CDH12: variants seen among roughly 807,000 people sequenced by gnomAD.
The protein encoded by CDH12 is cadherin 12.
CDH12 carries 41 observed loss-of-function variants against 74.1 expected under a neutral mutation model. The ratio of observed to expected loss-of-function variants is 0.55; its 90% CI spans 0.43 to 0.72. The LOEUF (loss-of-function observed/expected upper bound fraction) is 0.72. Among genes scored for constraint, CDH12 ranks in the 30% least tolerant of loss-of-function variants. The pLI is 0.00. For missense variants in CDH12, 945 were observed against 977.2 expected (o/e 0.97, Z 0.44); for synonymous variants, 399 against 355.0 (o/e 1.12, Z -1.39).
At chr5:22,306,775 G>A (rs1344602426) in intron 3 of CDH12, among the ~76,000 whole-genome samples, 4 of 152,086 alleles carry the variant, frequency 2.6e-5, no homozygotes, top group Admixed American at 1.3e-4. Context: ...AAGTACATCA[G>A]TGCTGCTTAA....
At chr5:22,341,331 A>G (rs1739839788) in intron 3 of CDH12, among the ~76,000 whole-genome samples, 1 of 152,198 alleles carries the variant, frequency 6.6e-6, no homozygotes, top group South Asian at 2.1e-4. Flanking sequence ...CAAAAAGAAT[A>G]AAGAAAGAAT....
At chr5:22,029,033 T>C (rs1358923268) in intron 5 of CDH12, among the ~76,000 whole-genome samples, 1 of 152,202 alleles carries the variant, frequency 6.6e-6, no homozygotes, top group Non-Finnish European at 1.5e-5. Flanking sequence ...ATTTAACAAA[T>C]GGTGCTGGGA....
rs549136024 is a variant in CDH12 at position 22,002,989 on chromosome 5, A to G, written c.232-27604T>C. Among the ~76,000 whole-genome samples the G allele has an allele frequency of 9.2e-5, 14 of 152,218 alleles. No homozygotes were observed. In the East Asian group the frequency reaches 2.5e-3, roughly 27 times the overall value. ...GTGCTTTCAAAAATGATATAGCTAA[A>G]GAAAATTATTTAAACAAAAAGGGGC... On this transcript the variant is annotated intron_variant, in intron 5 of 14. Coordinates refer to ENST00000382254, the MANE Select transcript of CDH12 (RefSeq NM_004061.5).
chr5:22,615,857 G>A (rs1737663951), intron 1 of CDH12, among the ~76,000 whole-genome samples: 3 of 152,058 alleles, frequency 2.0e-5, no homozygotes, highest in Admixed American at 1.3e-4. Context: ...AAATGTGTAA[G>A]CTTTGAGGGG....
intron 1 of CDH12, among the ~76,000 whole-genome samples, chr5:22,586,443 T>G (rs1033266961): frequency 6.6e-6 from 1 of 151,584 alleles, no homozygotes; most frequent in African/African-American, 2.4e-5. Context: ...CATATGTAAC[T>G]AACCTGCACA....
At chr5:22,038,099 GCC>G (rs1160728188) in intron 5 of CDH12, among the ~76,000 whole-genome samples, 1 of 152,160 alleles carries the variant, frequency 6.6e-6, no homozygotes, top group Non-Finnish European at 1.5e-5. Context: ...CTGACACTGT[GCC>G]CTACCCCCTG....
chr5:22,479,297 G>A (rs1746293782), intron 2 of CDH12, among the ~76,000 whole-genome samples: 1 of 152,164 alleles, frequency 6.6e-6, no homozygotes, highest in Non-Finnish European at 1.5e-5. Context: ...ACTATAACAA[G>A]TATTTGTTCA....
intron 1 of CDH12, among the ~76,000 whole-genome samples, chr5:22,566,080 T>C (rs1739266043): frequency 1.3e-5 from 2 of 152,164 alleles, no homozygotes; most frequent in South Asian, 4.1e-4. Context: ...ACAGATTCCA[T>C]TCAAATCTAA....
intron 11 of CDH12, among the ~76,000 whole-genome samples, chr5:21,772,246 A>G (rs1040744485): frequency 5.9e-5 from 9 of 152,136 alleles, no homozygotes; most frequent in Non-Finnish European, 1.2e-4. Flanking sequence ...TTCAGGATAA[A>G]AATCAAAATA....
intron 10 of CDH12, among the ~76,000 whole-genome samples, chr5:21,796,207 T>C (rs1256561703): frequency 2.6e-5 from 4 of 152,016 alleles, no homozygotes; most frequent in African/African-American, 7.2e-5. Context: ...ATACCTTGAG[T>C]TGAAAATGCA....
At chr5:22,180,553 C>T (rs934748603) in intron 4 of CDH12, among the ~76,000 whole-genome samples, 1 of 151,504 alleles carries the variant, frequency 6.6e-6, no homozygotes, top group African/African-American at 2.4e-5. Flanking sequence ...CACTTTGTCG[C>T]CCAAGCTGGA....
At chr5:22,739,670 A>G (rs908270802) in intron 1 of CDH12, among the ~76,000 whole-genome samples, 2 of 152,062 alleles carry the variant, frequency 1.3e-5, no homozygotes, top group South Asian at 2.1e-4. Flanking sequence ...GAAGTTATTT[A>G]TTATGCATAA....
chr5:22,302,947 T>G (rs1334199348), intron 3 of CDH12, among the ~76,000 whole-genome samples: 1 of 152,082 alleles, frequency 6.6e-6, no homozygotes, highest in Admixed American at 6.6e-5. Flanking sequence ...CTAAACTGGA[T>G]GATAAATGTT....
intron 1 of CDH12, among the ~76,000 whole-genome samples, chr5:22,818,134 T>G (rs920690940): frequency 6.6e-6 from 1 of 152,080 alleles, no homozygotes; most frequent in African/African-American, 2.4e-5. Context: ...CAAATACCAG[T>G]TCGTCCTGTC....
intron 2 of CDH12, among the ~76,000 whole-genome samples, chr5:22,453,011 A>G (rs1162956317): frequency 6.6e-6 from 1 of 151,882 alleles, no homozygotes; most frequent in African/African-American, 2.4e-5. Context: ...AATCACAGAA[A>G]TGCAATTCAA....
chr5:22,806,975 A>C (rs1335317187), intron 1 of CDH12, among the ~76,000 whole-genome samples: 1 of 152,114 alleles, frequency 6.6e-6, no homozygotes, highest in Non-Finnish European at 1.5e-5. Context: ...TCTTTAGTTT[A>C]ATTAGATTCC....
At chr5:22,478,431 A>AT (rs1350981511) in intron 2 of CDH12, among the ~76,000 whole-genome samples, 1 of 151,298 alleles carries the variant, frequency 6.6e-6, no homozygotes, top group Non-Finnish European at 1.5e-5. Context: ...AAAAAAAAAA[A>AT]AAAAAAGAAA....
chr5:21,887,285 A>G (rs1752680244), intron 6 of CDH12, among the ~76,000 whole-genome samples: 1 of 152,246 alleles, frequency 6.6e-6, no homozygotes, highest in East Asian at 1.9e-4. Flanking sequence ...TGTATGATTG[A>G]TAAGAAGTTT....
intron 1 of CDH12, among the ~76,000 whole-genome samples, chr5:22,599,725 T>C (rs548762259): frequency 6.6e-6 from 1 of 152,298 alleles, no homozygotes; most frequent in Admixed American, 6.5e-5. Context: ...TAGTTTATTA[T>C]TTAAGTAGAT....
Sources: gnomAD v4.1 joint callset for allele counts (sites outside exome capture counted in the v4.1 genomes callset) on GRCh38, gnomAD v4.1.1 for gene constraint, MANE v1.5 for transcripts, NCBI Gene and HGNC (gene_info 2026-07-23, HGNC 2026-07-21) for gene names.